The following ITGBL1 variants were observed in gnomAD, a reference collection of about 807,000 sequenced individuals.
ITGBL1 encodes integrin beta-like protein 1.
A neutral mutation model predicts 68.5 loss-of-function variants in ITGBL1; 51 were observed. That is an observed-to-expected ratio of 0.74 (90% CI 0.59 to 0.94). ITGBL1 has a LOEUF of 0.94. Among genes scored for constraint, ITGBL1 ranks in the 40% least tolerant of loss-of-function variants. The probability of loss-of-function intolerance (pLI) is 0.00; values close to 1 mark genes in which losing one functional copy is unlikely to be tolerated. For synonymous variants in ITGBL1, 209 were observed against 227.3 expected, an observed-to-expected ratio of 0.92 and a Z score of 0.72; for missense variants, 649 against 647.4, an observed-to-expected ratio of 1.00 and a Z score of -0.03.
At chr13:101,702,581 G>GA (rs68137000) in intron 8 of ITGBL1, among the ~76,000 whole-genome samples, 199 of 148,776 alleles carry the variant, frequency 1.3e-3, no homozygotes, top group African/African-American at 4.6e-3. Flanking sequence ...AATTAAATTT[G>GA]AAAAAAAAAG....
At chr13:101,601,393 G>C (rs1055404277) in intron 7 of ITGBL1, among the ~76,000 whole-genome samples, 1 of 152,062 alleles carries the variant, frequency 6.6e-6, no homozygotes, top group Non-Finnish European at 1.5e-5. Context: ...CCAGCTCCTG[G>C]ATTCATTGAT....
At chr13:101,576,787 C>A (rs1272132012) in intron 4 of ITGBL1, among the ~76,000 whole-genome samples, 2 of 152,078 alleles carry the variant, frequency 1.3e-5, no homozygotes, top group Non-Finnish European at 1.5e-5. Flanking sequence ...CAAACAAACA[C>A]AAAAACCTTA....
At chr13:101,465,669 T>C (rs1185408909) in intron 2 of ITGBL1, among the ~76,000 whole-genome samples, 1 of 152,176 alleles carries the variant, frequency 6.6e-6, no homozygotes, top group Non-Finnish European at 1.5e-5. Context: ...TTATCTACTT[T>C]TCCACTTATC....
chr13:101,629,476 A>C (rs1355663779), intron 7 of ITGBL1, among the ~76,000 whole-genome samples: 1 of 152,030 alleles, frequency 6.6e-6, no homozygotes, highest in Non-Finnish European at 1.5e-5. Context: ...TGGTTACCTT[A>C]TATTATTTTA....
At chr13:101,714,391 AC>A (rs1197167077) in intron 9 of ITGBL1, 46 bp from the exon 10 acceptor site, 1 of 1,059,474 alleles carries the variant, frequency 9.4e-7, no homozygotes, top group African/African-American at 1.6e-5. Context: ...CGAGATGGAA[AC>A]CTTTAGTTAT....
intron 7 of ITGBL1, among the ~76,000 whole-genome samples, chr13:101,688,485 T>C (rs2033807548): frequency 6.6e-6 from 1 of 152,170 alleles, no homozygotes; most frequent in African/African-American, 2.4e-5. Flanking sequence ...GAGTGCTCTA[T>C]AATTGCTGGA....
intron 7 of ITGBL1, among the ~76,000 whole-genome samples, chr13:101,687,962 C>T (rs1458605474): frequency 6.6e-6 from 1 of 151,916 alleles, no homozygotes; most frequent in Admixed American, 6.6e-5. Context: ...TTCCATTTTC[C>T]TTCTTTCTCA....
intron 2 of ITGBL1, among the ~76,000 whole-genome samples, chr13:101,517,623 G>A (rs934341421): frequency 6.6e-6 from 1 of 152,112 alleles, no homozygotes; most frequent in Non-Finnish European, 1.5e-5. Context: ...CCTACATCCT[G>A]ACATATGTAA....
chr13:101,628,169 T>G (rs1427889103), intron 7 of ITGBL1, among the ~76,000 whole-genome samples: 1 of 152,216 alleles, frequency 6.6e-6, no homozygotes, highest in Non-Finnish European at 1.5e-5. Flanking sequence ...TTTCATCGTT[T>G]TAATTTGCAT....
At chr13:101,621,473 G>GA (rs2031580545) in intron 7 of ITGBL1, among the ~76,000 whole-genome samples, 1 of 152,144 alleles carries the variant, frequency 6.6e-6, no homozygotes, top group African/African-American at 2.4e-5. Flanking sequence ...TTTTATTATA[G>GA]AAATTCAGGG....
intron 2 of ITGBL1, among the ~76,000 whole-genome samples, chr13:101,563,242 GA>G (rs966345085): frequency 2.7e-5 from 4 of 145,518 alleles, no homozygotes; most frequent in Non-Finnish European, 6.1e-5. Flanking sequence ...CTAGAAAATA[GA>G]AAAAAAAGAC....
chr13:101,649,200 AAC>A (rs2032665188), intron 7 of ITGBL1, among the ~76,000 whole-genome samples: 1 of 152,186 alleles, frequency 6.6e-6, no homozygotes, highest in African/African-American at 2.4e-5. Context: ...TAAATGTGAA[AAC>A]ACATCTGTTT....
rs550143810 is a variant in ITGBL1 at position 101,696,364 on chromosome 13, G to A, written c.1132+3663G>A. 2.0e-5 allele frequency among the ~76,000 whole-genome samples: 3 copies of A among 152,140 alleles called. No homozygotes were observed. In the South Asian group the frequency reaches 6.2e-4, roughly 31 times the overall value. On this transcript the variant is annotated intron_variant, in intron 8 of 10. Coordinates refer to ENST00000376180, the MANE Select transcript of ITGBL1 (RefSeq NM_004791.3). The stretch of plus-strand genomic sequence containing the variant: ...CAGGGTAGGATCAAGGATGACACCA[G>A]GTTTCTGTTTTGAGCAACTGAATGG...
chr13:101,712,992 A>G (rs1048114459), intron 9 of ITGBL1: 4 of 152,180 alleles, frequency 2.6e-5, no homozygotes, highest in African/African-American at 7.2e-5. Flanking sequence ...ATGCAAATCA[A>G]CCTGGACCCT....
At chr13:101,698,803 T>A (rs1429122203) in intron 8 of ITGBL1, among the ~76,000 whole-genome samples, 2 of 152,212 alleles carry the variant, frequency 1.3e-5, no homozygotes, top group African/African-American at 2.4e-5. Context: ...TAGCCTAATA[T>A]AAGTTAAATC....
intron 7 of ITGBL1, among the ~76,000 whole-genome samples, chr13:101,626,987 T>G (rs951220780): frequency 6.6e-6 from 1 of 152,190 alleles, no homozygotes; most frequent in Admixed American, 6.5e-5. Context: ...ATTCAGACAC[T>G]TATAGGCTGT....
chr13:101,587,869 T>A (rs1048087564), intron 6 of ITGBL1, among the ~76,000 whole-genome samples: 1 of 152,212 alleles, frequency 6.6e-6, no homozygotes, highest in African/African-American at 2.4e-5. Flanking sequence ...TACCTAGATC[T>A]AAGTTATTCC....
chr13:101,576,069 T>A (rs2050353938), intron 4 of ITGBL1, among the ~76,000 whole-genome samples: 1 of 152,332 alleles, frequency 6.6e-6, no homozygotes, highest in Non-Finnish European at 1.5e-5. Flanking sequence ...GTTGTAGCAG[T>A]TCTTGCATGT....
At chr13:101,485,598 A>G (rs1292064330) in intron 2 of ITGBL1, among the ~76,000 whole-genome samples, 1 of 152,016 alleles carries the variant, frequency 6.6e-6, no homozygotes, top group African/African-American at 2.4e-5. Context: ...AGGTCAGGAG[A>G]TCGAGACCAC....
Sources: gnomAD v4.1 joint callset for allele counts (sites outside exome capture counted in the v4.1 genomes callset) on GRCh38, gnomAD v4.1.1 for gene constraint, MANE v1.5 for transcripts, NCBI Gene and HGNC (gene_info 2026-07-23, HGNC 2026-07-21) for gene names.